The following DOK6 variants were observed in gnomAD, a reference collection of about 807,000 sequenced individuals.
DOK6 encodes docking protein 6, also known as downstream of tyrosine kinase 6.
In DOK6, 22 loss-of-function variants were observed where a neutral mutation model predicts 44.0. The ratio of observed to expected loss-of-function variants is 0.50; its 90% CI spans 0.36 to 0.71. The LOEUF (loss-of-function observed/expected upper bound fraction) is 0.71, where lower values mean the gene tolerates loss of function less well. Among genes scored for constraint, DOK6 ranks in the 30% least tolerant of loss-of-function variants. The pLI, the probability that DOK6 is intolerant of heterozygous loss-of-function variation, is 0.00. For missense variants in DOK6, 340 were observed against 416.4 expected (o/e 0.82, Z 1.60); for synonymous variants, 166 against 145.5 (o/e 1.14, Z -1.01).
chr18:69,599,707 G>C (rs745455153), intron 3 of DOK6, among the ~76,000 whole-genome samples: 1 of 152,202 alleles, frequency 6.6e-6, no homozygotes. Flanking sequence ...TGGCTCCCAG[G>C]TGGTCTGCCT....
chr18:69,695,563 A>T (rs185914594), intron 4 of DOK6, among the ~76,000 whole-genome samples: 20 of 152,360 alleles, frequency 1.3e-4, no homozygotes, highest in African/African-American at 3.8e-4. Context: ...AAAGTGTATT[A>T]TGCTACTAAG....
intron 1 of DOK6, among the ~76,000 whole-genome samples, chr18:69,539,981 G>T (rs1982226504): frequency 6.6e-6 from 1 of 152,080 alleles, no homozygotes; most frequent in African/African-American, 2.4e-5. Context: ...GGGGAAGGAG[G>T]CAGCATCTTT....
chr18:69,510,854 G>A (rs1206527489), intron 1 of DOK6, among the ~76,000 whole-genome samples: 1 of 151,858 alleles, frequency 6.6e-6, no homozygotes, highest in African/African-American at 2.4e-5. Flanking sequence ...CATCATCTTT[G>A]TCTTCATCTT....
intron 1 of DOK6, among the ~76,000 whole-genome samples, chr18:69,473,373 T>C (rs978639840): frequency 6.6e-6 from 1 of 152,224 alleles, no homozygotes; most frequent in Non-Finnish European, 1.5e-5. Flanking sequence ...AACTTAAATA[T>C]CAAAAAGATG....
intron 1 of DOK6, among the ~76,000 whole-genome samples, chr18:69,535,610 T>C (rs2144576954): frequency 6.6e-6 from 1 of 152,116 alleles, no homozygotes; most frequent in South Asian, 2.1e-4. Context: ...GATTCATGTA[T>C]ATATATGATA....
chr18:69,755,240 T>C (rs75689101), intron 6 of DOK6, among the ~76,000 whole-genome samples: 1 of 152,186 alleles, frequency 6.6e-6, no homozygotes, highest in East Asian at 1.9e-4. Context: ...TCCAATTATA[T>C]TTCCAGCAAA....
chr18:69,802,229 G>T (rs1434892003), intron 7 of DOK6, among the ~76,000 whole-genome samples: 1 of 152,100 alleles, frequency 6.6e-6, no homozygotes, highest in Admixed American at 6.6e-5. Context: ...GGTAAAGAGT[G>T]CCCACAACAA....
chr18:69,521,463 T>C (rs1981686625), intron 1 of DOK6, among the ~76,000 whole-genome samples: 1 of 150,428 alleles, frequency 6.6e-6, no homozygotes, highest in African/African-American at 2.4e-5. Context: ...AAAAAACATG[T>C]GAATCAAAGT....
intron 1 of DOK6, among the ~76,000 whole-genome samples, chr18:69,505,882 C>G (rs1308924702): frequency 3.3e-5 from 5 of 151,092 alleles, no homozygotes; most frequent in Non-Finnish European, 5.9e-5. Flanking sequence ...CACCAAAATA[C>G]TAGCAAAATT....
At chr18:69,663,193 A>C (rs1003879362) in intron 3 of DOK6, 3 of 152,192 alleles carry the variant, frequency 2.0e-5, no homozygotes, top group African/African-American at 7.2e-5. Context: ...TGTACTTTGA[A>C]GCAATTTTCC....
intron 1 of DOK6, among the ~76,000 whole-genome samples, chr18:69,460,685 G>A (rs1288811581): frequency 6.6e-6 from 1 of 152,100 alleles, no homozygotes; most frequent in Non-Finnish European, 1.5e-5. Flanking sequence ...AATCAGTTAT[G>A]TGTTTTTATT....
chr18:69,803,792 G>A (rs540482378), intron 7 of DOK6, among the ~76,000 whole-genome samples: 1 of 152,260 alleles, frequency 6.6e-6, no homozygotes, highest in South Asian at 2.1e-4. Flanking sequence ...CCGGGAGGCA[G>A]AGGTTGCAGT....
intron 7 of DOK6, among the ~76,000 whole-genome samples, chr18:69,767,712 C>G (rs1033080506): frequency 6.6e-6 from 1 of 152,186 alleles, no homozygotes; most frequent in Non-Finnish European, 1.5e-5. Context: ...CTAGCTTTCT[C>G]GAGCCAGTTA....
chr18:69,498,844 C>T (rs760211542), intron 1 of DOK6, among the ~76,000 whole-genome samples: 26 of 152,270 alleles, frequency 1.7e-4, no homozygotes, highest in Non-Finnish European at 3.4e-4. Flanking sequence ...GTTGAATAAA[C>T]GTGTGTTGCC....
rs1211253042 is a variant in DOK6, at chr18:69,809,599, A to G, written c.857-31645A>G. Among the ~76,000 whole-genome samples the G allele has an allele frequency of 2.9e-5, 4 of 136,956 alleles. No individual in the cohort carries two copies. The East Asian group carries it at 7.8e-4, about 27-fold the overall frequency. 89.8% of individuals were successfully genotyped at this position (136,956 alleles called of 152,430 possible). ...ACACACACACACACACACACACAAA[A>G]GAAAGAAAAAAAACAGACAAAACTG... On this transcript the variant is annotated intron_variant, in intron 7 of 7. Coordinates refer to ENST00000382713, the MANE Select transcript of DOK6 (RefSeq NM_152721.6).
intron 3 of DOK6, among the ~76,000 whole-genome samples, chr18:69,646,659 G>T (rs1407717013): frequency 6.6e-6 from 1 of 152,108 alleles, no homozygotes; most frequent in Non-Finnish European, 1.5e-5. Context: ...TACTTGTTTA[G>T]GAGCATTACT....
chr18:69,478,804 C>T (rs552712873), intron 1 of DOK6, among the ~76,000 whole-genome samples: 1 of 152,254 alleles, frequency 6.6e-6, no homozygotes, highest in South Asian at 2.1e-4. Context: ...CTAAACCCCA[C>T]ACTTTATTTG....
chr18:69,815,465 G>C (rs1012313403), intron 7 of DOK6, among the ~76,000 whole-genome samples: 7 of 152,068 alleles, frequency 4.6e-5, no homozygotes, highest in Non-Finnish European at 1.0e-4. Flanking sequence ...CAATTACTTG[G>C]GACTACGAAT....
intron 3 of DOK6, chr18:69,647,266 T>C (rs139745347): frequency 6.6e-6 from 1 of 152,276 alleles, no homozygotes; most frequent in African/African-American, 2.4e-5. Context: ...CTTATGTACT[T>C]GTAAAGTGAA....
Sources: allele counts gnomAD v4.1 joint callset (sites outside exome capture counted in the v4.1 genomes callset), GRCh38; gene constraint gnomAD v4.1.1; transcripts MANE v1.5; gene names NCBI Gene and HGNC (gene_info 2026-07-23, HGNC 2026-07-21).